The following TEX9 variants were observed in gnomAD, a reference collection of about 807,000 sequenced individuals.
The protein encoded by TEX9 is testis-expressed protein 9.
Under a neutral mutation model 59.6 loss-of-function variants are expected in TEX9, and 74 were observed. The ratio of observed to expected loss-of-function variants is 1.24; its 90% CI spans 1.03 to 1.51. TEX9 has a LOEUF of 1.51. Among genes scored for constraint, TEX9 ranks in the 40% most tolerant of loss-of-function variants. TEX9 has a pLI of 0.00. For synonymous variants in TEX9, 186 were observed against 152.2 expected (o/e 1.22, Z -1.64); for missense variants, 522 against 447.8 (o/e 1.17, Z -1.49).
At chr15:56,308,808 AC>A (rs2045539883) in intron 1 of TEX9, among the ~76,000 whole-genome samples, 1 of 152,184 alleles carries the variant, frequency 6.6e-6, no homozygotes, top group East Asian at 1.9e-4. Flanking sequence ...TGAAATGATT[AC>A]CTTTGCCATT....
intron 1 of TEX9, among the ~76,000 whole-genome samples, chr15:56,249,427 T>G (rs1169182513): frequency 8.1e-6 from 1 of 123,296 alleles, no homozygotes; most frequent in Non-Finnish European, 1.6e-5. Flanking sequence ...GTTAAAAAGG[T>G]AAGCACATCT....
intron 1 of TEX9, among the ~76,000 whole-genome samples, chr15:56,310,997 C>G (rs2045598627): frequency 6.6e-6 from 1 of 152,130 alleles, no homozygotes; most frequent in Non-Finnish European, 1.5e-5. Flanking sequence ...AACACCCTCT[C>G]AACACCCAAG....
At chr15:56,339,937 G>A (rs1054126267) in intron 1 of TEX9, among the ~76,000 whole-genome samples, 4 of 151,990 alleles carry the variant, frequency 2.6e-5, no homozygotes, top group African/African-American at 9.7e-5. Flanking sequence ...ATTCATTTCT[G>A]TTGTTTATAA....
intron 1 of TEX9, among the ~76,000 whole-genome samples, chr15:56,341,457 C>T (rs1043444722): frequency 1.1e-4 from 17 of 152,160 alleles, no homozygotes; most frequent in East Asian, 1.9e-4. Flanking sequence ...AGCTGGCCAG[C>T]GGTGAGTCAC....
chr15:56,292,431 C>G (rs567856561), intron 1 of TEX9, among the ~76,000 whole-genome samples: 44 of 152,088 alleles, frequency 2.9e-4, no homozygotes, highest in Admixed American at 2.6e-3. Context: ...AGGTGATCCC[C>G]TAGGACATCT....
At chr15:56,300,993 C>G (rs1488710169) in intron 1 of TEX9, among the ~76,000 whole-genome samples, 1 of 152,144 alleles carries the variant, frequency 6.6e-6, no homozygotes, top group Non-Finnish European at 1.5e-5. Context: ...AAAATGTGAC[C>G]TTACCAAATG....
chr15:56,433,997 G>T, intron 12 of TEX9: 2 of 893,690 alleles, frequency 2.2e-6, no homozygotes, highest in Non-Finnish European at 3.1e-6. Context: ...AGCAAAAATG[G>T]TCAGAAAATT....
At chr15:56,300,561 A>C (rs1238470923) in intron 1 of TEX9, among the ~76,000 whole-genome samples, 1 of 152,098 alleles carries the variant, frequency 6.6e-6, no homozygotes, top group African/African-American at 2.4e-5. Context: ...GAAGCCAGGC[A>C]GTGTTTGCTG....
intron 10 of TEX9, among the ~76,000 whole-genome samples, chr15:56,422,391 C>T (rs1450139998): frequency 6.6e-6 from 1 of 151,218 alleles, no homozygotes; most frequent in Non-Finnish European, 1.5e-5. Flanking sequence ...TTTAGTTGGC[C>T]CGTATGTTTT....
At chr15:56,275,570 A>G (rs2044647762) in intron 1 of TEX9, among the ~76,000 whole-genome samples, 1 of 152,054 alleles carries the variant, frequency 6.6e-6, no homozygotes, top group South Asian at 2.1e-4. Context: ...AATTAATCTT[A>G]TATACTTTTT....
At chr15:56,339,401 A>AAACAAACAAAC (rs1555434472) in intron 1 of TEX9, among the ~76,000 whole-genome samples, 3 of 124,196 alleles carry the variant, frequency 2.4e-5, no homozygotes, top group Non-Finnish European at 5.1e-5. Context: ...AAAAAAAAAA[A>AAACAAACAAAC]AAAAAAAAAA....
chr15:56,272,232 A>G (rs2044552382), intron 1 of TEX9, among the ~76,000 whole-genome samples: 1 of 152,102 alleles, frequency 6.6e-6, no homozygotes, highest in Non-Finnish European at 1.5e-5. Flanking sequence ...GAACATTTCC[A>G]TCGCCCCAAG....
chr15:56,432,883 T>G (rs1443105671), intron 12 of TEX9, among the ~76,000 whole-genome samples: 2 of 152,236 alleles, frequency 1.3e-5, no homozygotes, highest in Non-Finnish European at 1.5e-5. Context: ...TAAGTCTCAC[T>G]TAGTCTTCCT....
At chr15:56,413,629 G>A (rs888952937) in intron 10 of TEX9, among the ~76,000 whole-genome samples, 7 of 151,462 alleles carry the variant, frequency 4.6e-5, no homozygotes, top group Non-Finnish European at 7.4e-5. Flanking sequence ...GGAAGTAAAC[G>A]TCAGTAGAAT....
At chr15:56,325,585 C>A (rs1222255422) in intron 1 of TEX9, among the ~76,000 whole-genome samples, 1 of 152,166 alleles carries the variant, frequency 6.6e-6, no homozygotes, top group Non-Finnish European at 1.5e-5. Context: ...AACAGTATTA[C>A]ACATTGGCTC....
intron 12 of TEX9, among the ~76,000 whole-genome samples, chr15:56,433,452 G>T (rs916798456): frequency 3.9e-5 from 6 of 152,050 alleles, no homozygotes; most frequent in African/African-American, 1.4e-4. Flanking sequence ...AAGATGGAAT[G>T]ACAGTATTAT....
At chr15:56,368,058 C>A (rs1379274676) in intron 2 of TEX9, among the ~76,000 whole-genome samples, 1 of 152,144 alleles carries the variant, frequency 6.6e-6, no homozygotes, top group African/African-American at 2.4e-5. Context: ...TGATGGTGAG[C>A]TTCCTTGTTT....
At chr15:56,369,372 G>A (rs1438350390) in intron 2 of TEX9, among the ~76,000 whole-genome samples, 1 of 114,868 alleles carries the variant, frequency 8.7e-6, no homozygotes, top group Non-Finnish European at 2.0e-5. Context: ...TTTTTTTTTT[G>A]AGACAGGGTC....
chr15:56,438,850 C>T (rs2050772592), intron 12 of TEX9, among the ~76,000 whole-genome samples: 1 of 152,120 alleles, frequency 6.6e-6, no homozygotes, highest in East Asian at 1.9e-4. Flanking sequence ...AGACACTTCT[C>T]AAAAGAAGAC....
Sources: allele counts gnomAD v4.1 joint callset (sites outside exome capture counted in the v4.1 genomes callset), GRCh38; gene constraint gnomAD v4.1.1; transcripts MANE v1.5; gene names NCBI Gene and HGNC (gene_info 2026-07-23, HGNC 2026-07-21).